Variants in DNAH11 observed in about 807,000 individuals in gnomAD.
DNAH11 encodes the protein dynein axonemal heavy chain 11, also known as axonemal beta dynein heavy chain 11.
In DNAH11, 442 loss-of-function variants were observed where a neutral mutation model predicts 526.0. The ratio of observed to expected loss-of-function variants is 0.84; its 90% CI spans 0.78 to 0.91. The LOEUF is 0.91. Among genes scored for constraint, DNAH11 ranks in the 40% least tolerant of loss-of-function variants. The probability of loss-of-function intolerance (pLI) is 0.00; values close to 1 mark genes in which losing one functional copy is unlikely to be tolerated. For synonymous variants in DNAH11, 2,461 were observed against 1,935.9 expected, an observed-to-expected ratio of 1.27 and a Z score of -7.12; for missense variants, 6,989 against 5,448.7, an observed-to-expected ratio of 1.28 and a Z score of -8.90.
In DNAH11 at chr7:21,705,535, A is replaced by G; in HGVS notation, c.6544A>G (p.Lys2182Glu). ...VVGNAGTGKS[K>E]ILRTLNRTYV... ...TGGAAATGCAGGCACAGGAAAGAGT[A>G]AGGTATAGTAAATTGCCTAATAGCT... Residue 2182 changes from lysine to glutamate, a missense_variant and splice_region_variant, in exon 39 of 82, where the codon AAG becomes GAG. Coordinates refer to ENST00000409508, the MANE Select transcript of DNAH11 (RefSeq NM_001277115.2). 6.2e-7 allele frequency: 1 copy of G among 1,613,362 alleles called. No individual in the cohort carries two copies. The highest frequency in any genetic ancestry group is 1.7e-4 in the Middle Eastern group (1 of 6,058).
chr7:21,618,025 C>CA (rs1417839799), intron 23 of DNAH11, among the ~76,000 whole-genome samples: 3 of 152,170 alleles, frequency 2.0e-5, no homozygotes, highest in African/African-American at 7.2e-5. Flanking sequence ...CTCCATTTGT[C>CA]ATCTGGGCTG....
At chr7:21,736,643 G>A (rs535205003) in intron 46 of DNAH11, among the ~76,000 whole-genome samples, 8 of 152,152 alleles carry the variant, frequency 5.3e-5, no homozygotes, top group Admixed American at 2.0e-4. Flanking sequence ...TGATTTTTCC[G>A]TCATCTTTTT....
intron 61 of DNAH11, among the ~76,000 whole-genome samples, chr7:21,793,902 C>A (rs1163404331): frequency 6.6e-6 from 1 of 152,184 alleles, no homozygotes; most frequent in Non-Finnish European, 1.5e-5. Context: ...ACTCCAGTGA[C>A]TGTTAGATGT....
At chr7:21,779,146 G>GCACAAAAT in intron 57 of DNAH11, 42 bp downstream of exon 57, 1 of 1,574,702 alleles carries the variant, frequency 6.4e-7, no homozygotes, top group Non-Finnish European at 8.7e-7. Context: ...GCTATATTTA[G>GCACAAAAT]CACAAAATAA....
chr7:21,683,776 G>T lies in DNAH11; in HGVS notation c.5461-8G>T. ...GTCCTGCGTATGATGATTATGCAATGCCTTTAGGTTGTCAGTCCCCAAGCT... is the reference window on the plus strand; with the variant it reads ...GTCCTGCGTATGATGATTATGCAATTCCTTTAGGTTGTCAGTCCCCAAGCT... On this transcript the variant is annotated splice_polypyrimidine_tract_variant and splice_region_variant and intron_variant, in intron 31 of 81. Transcript: ENST00000409508. The T allele has an allele frequency of 6.3e-7, 1 of 1,593,534 alleles. No individual in the cohort carries two copies. The highest frequency in any genetic ancestry group is 8.5e-7 in the Non-Finnish European group (1 of 1,169,622).
At chr7:21,764,414 G>C (rs959834040) in intron 54 of DNAH11, among the ~76,000 whole-genome samples, 1 of 152,090 alleles carries the variant, frequency 6.6e-6, no homozygotes, top group African/African-American at 2.4e-5. Flanking sequence ...TAGAGACTTA[G>C]AGGCAGCCAC....
chr7:21,562,948 A>G (rs1352367284), intron 5 of DNAH11, among the ~76,000 whole-genome samples: 1 of 152,082 alleles, frequency 6.6e-6, no homozygotes, highest in South Asian at 2.1e-4. Context: ...TGTTCTTGAC[A>G]CAAGTCTTTT....
At chr7:21,558,319 T>C (rs1328374841) in intron 2 of DNAH11, among the ~76,000 whole-genome samples, 1 of 152,222 alleles carries the variant, frequency 6.6e-6, no homozygotes, top group African/African-American at 2.4e-5. Flanking sequence ...CGTTTCATGG[T>C]AGAAGGAGTT....
At chr7:21,824,758 A>G (rs1226784424) in intron 65 of DNAH11, among the ~76,000 whole-genome samples, 2 of 152,244 alleles carry the variant, frequency 1.3e-5, no homozygotes, top group Non-Finnish European at 2.9e-5. Flanking sequence ...GGAGCTTTAT[A>G]AAAATACCAT....
chr7:21,849,226 T>C (rs1168737726), intron 66 of DNAH11, among the ~76,000 whole-genome samples: 1 of 152,226 alleles, frequency 6.6e-6, no homozygotes, highest in Non-Finnish European at 1.5e-5. Context: ...TCATTGGTAA[T>C]GCAGTTATCT....
chr7:21,619,067 A>C (rs770258532), intron 23 of DNAH11, 33 bp from the exon 24 acceptor site: 1 of 1,612,284 alleles, frequency 6.2e-7, no homozygotes, highest in African/African-American at 1.3e-5. Flanking sequence ...ATATATGTGG[A>C]ATATAAAGTC....
At chr7:21,615,681 G>C (rs530811869) in intron 21 of DNAH11, among the ~76,000 whole-genome samples, 1 of 152,062 alleles carries the variant, frequency 6.6e-6, no homozygotes, top group Non-Finnish European at 1.5e-5. Flanking sequence ...TTTGTATGTG[G>C]TTAATTAAGT....
At chr7:21,668,280 A>G (rs1782498975) in intron 30 of DNAH11, among the ~76,000 whole-genome samples, 1 of 152,088 alleles carries the variant, frequency 6.6e-6, no homozygotes, top group Non-Finnish European at 1.5e-5. Flanking sequence ...TTGAAAATAG[A>G]GATAGTATCT....
chr7:21,745,949 A>G (rs931987679), intron 51 of DNAH11, among the ~76,000 whole-genome samples: 1 of 152,244 alleles, frequency 6.6e-6, no homozygotes, highest in Non-Finnish European at 1.5e-5. Flanking sequence ...AATGTTTGAG[A>G]TACAGAAAAG....
chr7:21,774,680 G>A (rs1787591994), intron 56 of DNAH11, among the ~76,000 whole-genome samples: 1 of 152,204 alleles, frequency 6.6e-6, no homozygotes, highest in Non-Finnish European at 1.5e-5. Context: ...GAGAGCCAGT[G>A]AGGTTGGGTT....
At chr7:21,678,725 T>C (rs1022978987) in intron 30 of DNAH11, among the ~76,000 whole-genome samples, 74 of 152,186 alleles carry the variant, frequency 4.9e-4, no homozygotes, top group African/African-American at 1.6e-3. Context: ...GTCTTTAATT[T>C]TTTTCCTTGG....
At chr7:21,801,512 G>A (rs1304875328) in intron 62 of DNAH11, among the ~76,000 whole-genome samples, 1 of 152,066 alleles carries the variant, frequency 6.6e-6, no homozygotes, top group African/African-American at 2.4e-5. Context: ...ACGAAAACAG[G>A]GAAGACATAT....
intron 6 of DNAH11, among the ~76,000 whole-genome samples, chr7:21,568,818 A>G (rs948147606): frequency 1.3e-5 from 2 of 151,408 alleles, no homozygotes; most frequent in African/African-American, 4.8e-5. Context: ...TCAGCATCCT[A>G]AAAAGACACA....
chr7:21,553,528 A>G (rs1485268916), intron 2 of DNAH11, among the ~76,000 whole-genome samples: 1 of 152,180 alleles, frequency 6.6e-6, no homozygotes, highest in East Asian at 1.9e-4. Flanking sequence ...AGATTTATTC[A>G]GGATTCCTGG....
Sources: allele counts gnomAD v4.1 joint callset (sites outside exome capture counted in the v4.1 genomes callset), GRCh38; gene constraint gnomAD v4.1.1; transcripts MANE v1.5; gene names NCBI Gene and HGNC (gene_info 2026-07-23, HGNC 2026-07-21).